The following ZC3H3 variants were observed in gnomAD, a reference collection of about 807,000 sequenced individuals.
ZC3H3 encodes zinc finger CCCH-type containing 3.
A neutral mutation model predicts 77.3 loss-of-function variants in ZC3H3; 36 were observed. That is an observed-to-expected ratio of 0.47 (90% CI 0.36 to 0.61). The LOEUF is 0.61. Among genes scored for constraint, ZC3H3 ranks in the 20% least tolerant of loss-of-function variants. ZC3H3 has a pLI of 0.00. For missense variants in ZC3H3, 1,331 were observed against 1,312.2 expected (o/e 1.01, Z -0.22); for synonymous variants, 626 against 555.2 (o/e 1.13, Z -1.79).
chr8:143,453,353 T>C (rs1389413754), intron 9 of ZC3H3, among the ~76,000 whole-genome samples: 1 of 152,106 alleles, frequency 6.6e-6, no homozygotes, highest in Non-Finnish European at 1.5e-5. Flanking sequence ...TCTCCCAAAA[T>C]GTTGAGATTA....
At position 143,440,145 on chromosome 8, in the gene ZC3H3, T is replaced by C. The variant is rs1460735549; in HGVS notation, c.2711A>G (p.Asn904Ser). Residue 904 changes from asparagine to serine, a missense_variant, in exon 11 of 12, where the codon AAC becomes AGC. Around this residue, in one of 3 missense-constraint regions of ZC3H3, gnomAD observed 249 missense variants for 236.9 expected, o/e 1.05. Coordinates refer to ENST00000262577, the MANE Select transcript of ZC3H3 (RefSeq NM_015117.3). ...GAAGGAAGGCAGCTTGCAGAGCCTG[T>C]TGGAGCACGCTGCTGCTAAGGCAGC... ...QEAALAAACS[N>S]RLCKLPSFIS... The C allele has an allele frequency of 6.2e-7, 1 of 1,611,838 alleles. No individual in the cohort carries two copies. The highest frequency in any genetic ancestry group is 8.5e-7 in the Non-Finnish European group (1 of 1,179,710).
At position 143,536,283 on chromosome 8, in the gene ZC3H3, C is replaced by T. The variant is rs965686311; in HGVS notation, c.1535G>A (p.Ser512Asn). 6.2e-7 allele frequency: 1 copy of T among 1,611,814 alleles called. No individual in the cohort carries two copies. The highest frequency in any genetic ancestry group is 2.2e-5 in the East Asian group (1 of 44,876). ...TTHRLCRLPPSRAHLPTKEAS... is the reference protein window; with the variant it reads ...TTHRLCRLPPNRAHLPTKEAS... Reference sequence around the variant, plus strand: ...TTCCTTGGTGGGGAGGTGGGCCCGGCTCGGTGGCAGGCGACATAGTCGGTG... The same window carrying T: ...TTCCTTGGTGGGGAGGTGGGCCCGGTTCGGTGGCAGGCGACATAGTCGGTG... The change falls in exon 3 of 12, where the codon AGC (serine) becomes AAC (asparagine). Residue 512 changes from serine (S) to asparagine (N), a missense_variant. Physicochemically the swap from Ser to Asn is conservative, Grantham distance 46. Coordinates refer to ENST00000262577, the MANE Select transcript of ZC3H3 (RefSeq NM_015117.3).
At chr8:143,439,216 G>T (rs1172242797) in intron 11 of ZC3H3, among the ~76,000 whole-genome samples, 1 of 152,184 alleles carries the variant, frequency 6.6e-6, no homozygotes, top group Admixed American at 6.5e-5. Context: ...TGGGGCGGAG[G>T]GTCTGGCCAC....
chr8:143,437,962 G>T lies in ZC3H3; in HGVS notation c.*94C>A. Reference sequence around the variant, plus strand: ...TGGCCCCCAGGTGAGGCTTGGTGGCGGGCGGCCCTCCTGTGGGGTAGAGTG... The same window carrying T: ...TGGCCCCCAGGTGAGGCTTGGTGGCTGGCGGCCCTCCTGTGGGGTAGAGTG... On this transcript the variant is annotated 3_prime_UTR_variant, in exon 12 of 12. Coordinates refer to ENST00000262577, the MANE Select transcript of ZC3H3 (RefSeq NM_015117.3). 6.6e-7 allele frequency: 1 copy of T among 1,518,294 alleles called. No individual in the cohort carries two copies. Among genetic ancestry groups the T allele is most frequent in the Non-Finnish European group, 9.0e-7 (1 of 1,115,992 alleles). 94.1% of individuals were successfully genotyped at this position (1,518,294 alleles called of 1,614,324 possible). A position where few individuals can be genotyped will look rare whatever the true frequency, so the allele number is the denominator to read the frequency against.
At chr8:143,439,715 C>A (rs1819676625) in intron 11 of ZC3H3, among the ~76,000 whole-genome samples, 2 of 152,226 alleles carry the variant, frequency 1.3e-5, no homozygotes, top group Non-Finnish European at 2.9e-5. Context: ...GGCAGGTGCA[C>A]CCCTGGCGCC....
At chr8:143,450,520 T>C (rs1819961380) in intron 9 of ZC3H3, among the ~76,000 whole-genome samples, 1 of 152,124 alleles carries the variant, frequency 6.6e-6, no homozygotes, top group Non-Finnish European at 1.5e-5. Context: ...TTTAATTGGC[T>C]CACAGTTCAC....
At chr8:143,478,637 G>A (rs1820815296) in intron 4 of ZC3H3, among the ~76,000 whole-genome samples, 1 of 152,230 alleles carries the variant, frequency 6.6e-6, no homozygotes, top group African/African-American at 2.4e-5. Context: ...AGCCTCCAGA[G>A]TAGCTGGGAT....
chr8:143,457,975 AAAT>A (rs1820164339), intron 9 of ZC3H3, among the ~76,000 whole-genome samples: 1 of 152,242 alleles, frequency 6.6e-6, no homozygotes, highest in South Asian at 2.1e-4. Flanking sequence ...AGAAAGAAAG[AAAT>A]AATAAGAGCA....
intron 3 of ZC3H3, among the ~76,000 whole-genome samples, chr8:143,531,868 G>A (rs535146792): frequency 6.6e-6 from 1 of 152,308 alleles, no homozygotes; most frequent in African/African-American, 2.4e-5. Flanking sequence ...ACGGGTAAAT[G>A]TTTAAAATCT....
chr8:143,458,446 C>A (rs1212231796), intron 9 of ZC3H3, among the ~76,000 whole-genome samples: 1 of 141,718 alleles, frequency 7.1e-6, no homozygotes, highest in Non-Finnish European at 1.6e-5. Flanking sequence ...CAGGACACAG[C>A]TGGGCGCAGT....
At chr8:143,516,283 C>G (rs550177668) in intron 3 of ZC3H3, among the ~76,000 whole-genome samples, 1 of 152,310 alleles carries the variant, frequency 6.6e-6, no homozygotes, top group South Asian at 2.1e-4. Context: ...CTCCCAGGAC[C>G]TCAAACGCTG....
chr8:143,458,881 G>A (rs1260233491), intron 9 of ZC3H3, among the ~76,000 whole-genome samples: 3 of 151,904 alleles, frequency 2.0e-5, no homozygotes, highest in Non-Finnish European at 4.4e-5. Context: ...AGCATTTAGG[G>A]AGGCAGAGGT....
intron 8 of ZC3H3, among the ~76,000 whole-genome samples, chr8:143,467,852 G>C (rs1820454343): frequency 7.3e-6 from 1 of 136,246 alleles, no homozygotes; most frequent in Non-Finnish European, 1.5e-5. Flanking sequence ...CCAGTCTGAA[G>C]AGGCCCTGAG....
intron 9 of ZC3H3, among the ~76,000 whole-genome samples, chr8:143,443,740 A>G (rs1013841529): frequency 2.0e-5 from 3 of 152,240 alleles, no homozygotes; most frequent in Non-Finnish European, 4.4e-5. Flanking sequence ...AGATGTAAAC[A>G]ATGTTGGGAA....
intron 8 of ZC3H3, 78 bp from the exon 9 acceptor site, chr8:143,465,926 A>G (rs1299429707): frequency 1.3e-6 from 2 of 1,520,282 alleles, no homozygotes; most frequent in Non-Finnish European, 1.8e-6. Context: ...GGACCCTCCT[A>G]CGGCCCCGCC....
At chr8:143,470,694 C>T (rs1320285610) in intron 5 of ZC3H3, among the ~76,000 whole-genome samples, 3 of 152,242 alleles carry the variant, frequency 2.0e-5, no homozygotes, top group Admixed American at 6.5e-5. Flanking sequence ...GGGGTTACCT[C>T]CCTTTCCACT....
rs1360468978 is a variant in ZC3H3, at chr8:143,465,697, G to C, written c.2307+20C>G. ...AAGCCACAGGAACCCCGCCCACTCG[G>C]GCCCCCACAGACCACTCACCTTTGC... On this transcript the variant is annotated intron_variant, in intron 9 of 11. Transcript: ENST00000262577. 2 of 1,612,702 alleles carry C rather than the reference G, an allele frequency of 1.2e-6. No individual in the cohort carries two copies. The highest frequency in any genetic ancestry group is 3.3e-5 in the Admixed American group (2 of 59,964).
intron 5 of ZC3H3, among the ~76,000 whole-genome samples, chr8:143,473,838 G>A (rs1404711529): frequency 5.3e-5 from 8 of 152,156 alleles, no homozygotes; most frequent in East Asian, 1.9e-4. Flanking sequence ...GGCCACAGGC[G>A]CCTGGGACCT....
chr8:143,444,780 T>C (rs1026898278), intron 9 of ZC3H3, among the ~76,000 whole-genome samples: 2 of 152,212 alleles, frequency 1.3e-5, no homozygotes, highest in Non-Finnish European at 2.9e-5. Flanking sequence ...AGGGGAAAGT[T>C]TGGAAGCCCA....
Sources: gnomAD v4.1 joint callset for allele counts (sites outside exome capture counted in the v4.1 genomes callset) on GRCh38, gnomAD v4.1.1 for gene constraint, gnomAD v4.1.1 regional missense constraint, MANE v1.5 for transcripts, NCBI Gene and HGNC (gene_info 2026-07-23, HGNC 2026-07-21) for gene names.